CDCA5: variants seen among roughly 807,000 people sequenced by gnomAD.
CDCA5 encodes the protein sororin.
In CDCA5, 14 loss-of-function variants were observed where a neutral mutation model predicts 25.7. The observed-to-expected ratio is 0.54, with a 90% CI of 0.36 to 0.85. The LOEUF (loss-of-function observed/expected upper bound fraction) is 0.85. Among genes scored for constraint, CDCA5 ranks in the 40% least tolerant of loss-of-function variants. The pLI, the probability that CDCA5 is intolerant of heterozygous loss-of-function variation, is 0.01. For synonymous variants in CDCA5, 127 were observed against 128.7 expected (o/e 0.99, Z 0.09); for missense variants, 307 against 324.5 (o/e 0.95, Z 0.41).
intron 4 of CDCA5, among the ~76,000 whole-genome samples, chr11:65,080,463 G>A (rs546470764): frequency 1.3e-5 from 2 of 152,258 alleles, no homozygotes; most frequent in East Asian, 3.9e-4. Context: ...GCCCAGGCTG[G>A]AGTGCAGTGG....
chr11:65,080,187 G>A (rs1404730452), intron 4 of CDCA5, among the ~76,000 whole-genome samples: 1 of 152,148 alleles, frequency 6.6e-6, no homozygotes, highest in East Asian at 1.9e-4. Flanking sequence ...ACCATGCCCG[G>A]CCAACACACA....
downstream of CDCA5, among the ~76,000 whole-genome samples, chr11:65,076,891 T>G (rs116560330): frequency 4.2e-3 from 636 of 152,268 alleles, 1 homozygote; most frequent in African/African-American, 0.014. Context: ...CCCAGGCATC[T>G]CCCGTGGGCA....
Position 65,083,657 on chromosome 11 carries a change from G to A in CDCA5, c.113C>T (p.Pro38Leu), listed in dbSNP as rs752782722. Reference protein sequence around the residue: ...RSQRKSGSELPSILPEIWPKT... With the variant: ...RSQRKSGSELLSILPEIWPKT... ...CGGCCAGATTTCAGGGAGGATGCTCGGGAGTTCAGAGCCTGATTTCCGCTG... is the reference window on the plus strand; with the variant it reads ...CGGCCAGATTTCAGGGAGGATGCTCAGGAGTTCAGAGCCTGATTTCCGCTG... Residue 38 changes from proline to leucine, a missense_variant, in exon 2 of 6, where the codon CCG becomes CTG. By Grantham distance (98) the Pro-to-Leu change is moderately conservative. Transcript: ENST00000275517. The A allele has an allele frequency of 1.2e-5, 20 of 1,614,096 alleles. No individual in the cohort carries two copies. Among genetic ancestry groups the A allele is most frequent in the South Asian group, 5.5e-5 (5 of 91,088 alleles).
intron 1 of CDCA5, among the ~76,000 whole-genome samples, chr11:65,070,001 T>G (rs1947309813): frequency 6.6e-6 from 1 of 152,286 alleles, no homozygotes; most frequent in South Asian, 2.1e-4. Context: ...GAGGGAGCCA[T>G]GCATTCTGCT....
chr11:65,079,246 C>T (rs111891963), intron 5 of CDCA5, 59 bp from the exon 6 acceptor site: 58,231 of 1,583,934 alleles, frequency 0.037, 1,342 homozygotes, highest in East Asian at 0.057. Flanking sequence ...GCTGGAGCAT[C>T]TCACCCACAC....
chr11:65,082,742 G>A (rs1223660506), intron 4 of CDCA5, among the ~76,000 whole-genome samples: 3 of 152,022 alleles, frequency 2.0e-5, no homozygotes, highest in African/African-American at 4.8e-5. Flanking sequence ...GATCACAAGC[G>A]TGAGCCACTG....
Position 65,083,629 on chromosome 11 carries a change from C to T in CDCA5, c.141G>A (p.Lys47=), listed in dbSNP as rs766804497. 8 of 1,614,068 alleles carry T rather than the reference C, an allele frequency of 5.0e-6. No individual in the cohort carries two copies. The African/African-American group carries it at 8.0e-5, about 16-fold the overall frequency. The part of the protein sequence containing the change: ...LPSILPEIWP[K]TPSAAAVRKP... ...AGGAAGTGAGAAATCTGGGGCTCAC[C>T]TTCGGCCAGATTTCAGGGAGGATGC... is the stretch of plus-strand genomic sequence containing the variant. The change falls in exon 2 of 6, where the codon AAG becomes AAA. Residue 47 remains lysine (K), a splice_region_variant and synonymous_variant. Coordinates refer to ENST00000275517, the MANE Select transcript of CDCA5 (RefSeq NM_080668.4).
chr11:65,083,879 G>A, intron 1 of CDCA5, 54 bp downstream of exon 1: 1 of 1,606,950 alleles, frequency 6.2e-7, no homozygotes. Flanking sequence ...TCTTTCACCG[G>A]ACTGCGTCCC....
downstream of CDCA5, among the ~76,000 whole-genome samples, chr11:65,063,776 T>C (rs967524934): frequency 6.6e-6 from 1 of 152,210 alleles, no homozygotes; most frequent in African/African-American, 2.4e-5. Context: ...GTGACTCACA[T>C]GGTAGCCTCC....
chr11:65,067,989 GCA>G, intron 3 of CDCA5: 4 of 1,170,016 alleles, frequency 3.4e-6, no homozygotes, highest in Non-Finnish European at 4.5e-6. Flanking sequence ...GCCTGCATGG[GCA>G]CTCTCTCTCT....
intron 2 of CDCA5, chr11:65,068,470 C>T (rs1947282525): frequency 7.9e-7 from 1 of 1,259,302 alleles, no homozygotes; most frequent in Non-Finnish European, 1.0e-6. Flanking sequence ...CTTAGGAGGC[C>T]CTGGGGTTTC....
rs1947489342 is a variant in CDCA5, at chr11:65,078,431, G to C, written c.*676C>G. The C allele has an allele frequency of 1.0e-6, 1 of 985,532 alleles. No homozygotes were observed. The highest frequency in any genetic ancestry group is 1.2e-6 in the Non-Finnish European group (1 of 830,010). 61.0% of individuals were successfully genotyped at this position (985,532 alleles called of 1,614,324 possible). A position where few individuals can be genotyped will look rare whatever the true frequency, so the allele number is the denominator to read the frequency against. ...GCATTTACCAAACATCTCAACAGCA[G>C]ACCAGAACTAGAAAACACAGCTTCT... is the stretch of plus-strand genomic sequence containing the variant. On this transcript the variant is annotated 3_prime_UTR_variant, in exon 6 of 6. Coordinates refer to ENST00000275517, the MANE Select transcript of CDCA5 (RefSeq NM_080668.4).
chr11:65,066,978 T>C (rs781398862), intron 4 of CDCA5: 4 of 794,294 alleles, frequency 5.0e-6, no homozygotes, highest in African/African-American at 3.6e-5. Context: ...CCTGGTCCTA[T>C]AGCCACCTGG....
At position 65,084,005 on chromosome 11, in the gene CDCA5, C is replaced by T. The variant is rs1444027180; in HGVS notation, c.-27G>A. The T allele has an allele frequency of 2.5e-6, 4 of 1,598,658 alleles. No homozygotes were observed. The highest frequency in any genetic ancestry group is 1.7e-5 in the Admixed American group (1 of 57,558). On this transcript the variant is annotated 5_prime_UTR_variant, in exon 1 of 6. Coordinates refer to ENST00000275517, the MANE Select transcript of CDCA5 (RefSeq NM_080668.4). ...ACTTAGGCTCCGTCTCGAGCTCCTC[C>T]AGCGCCGCCGCCCCGGGCGCGCGCC...
exon 2 of CDCA5, chr11:65,068,551 C>A: frequency 7.8e-7 from 1 of 1,289,458 alleles, no homozygotes; most frequent in Non-Finnish European, 1.0e-6. Context: ...CAGGCTGCAC[C>A]ACTGGCTTGT....
At chr11:65,071,177 C>T (rs1476121077) in intron 1 of CDCA5, among the ~76,000 whole-genome samples, 1 of 151,568 alleles carries the variant, frequency 6.6e-6, no homozygotes, top group South Asian at 2.1e-4. Context: ...CTCCTGACCT[C>T]ATGATCTGCC....
Position 65,078,877 on chromosome 11 carries a change from C to A in CDCA5, c.*230G>T. On this transcript the variant is annotated 3_prime_UTR_variant, in exon 6 of 6. Transcript: ENST00000275517. ...TGGGGAGATAGGAAGGACAGGACGA[C>A]AAGAGACAGGACACCAGTGAGTGGC... 8.1e-7 allele frequency: 1 copy of A among 1,237,998 alleles called. No individual in the cohort carries two copies. The highest frequency in any genetic ancestry group is 1.0e-6 in the Non-Finnish European group (1 of 990,860). 76.7% of individuals were successfully genotyped at this position (1,237,998 alleles called of 1,614,324 possible). A position where few individuals can be genotyped will look rare whatever the true frequency, so the allele number is the denominator to read the frequency against.
At chr11:65,069,798 A>G (rs1315491957) in intron 1 of CDCA5, among the ~76,000 whole-genome samples, 1 of 152,272 alleles carries the variant, frequency 6.6e-6, no homozygotes, top group Non-Finnish European at 1.5e-5. Flanking sequence ...ATGGTAGGAT[A>G]CAATTCACTC....
At position 65,077,907 on chromosome 11, in the gene CDCA5, A is replaced by G. The variant is rs1030548530; in HGVS notation, c.*1200T>C. The G allele has an allele frequency of 7.1e-6, 7 of 985,436 alleles. No homozygotes were observed. In the African/African-American group the frequency reaches 1.2e-4, roughly 17 times the overall value. 61.0% of individuals were successfully genotyped at this position (985,436 alleles called of 1,614,324 possible). A position where few individuals can be genotyped will look rare whatever the true frequency, so the allele number is the denominator to read the frequency against. ...ACTTCCACGAACTTCTAAACATCAAAAGGTACAATGGCCAGGGGTGCGGCA... is the reference window on the plus strand; with the variant it reads ...ACTTCCACGAACTTCTAAACATCAAGAGGTACAATGGCCAGGGGTGCGGCA... On this transcript the variant is annotated 3_prime_UTR_variant, in exon 6 of 6. Coordinates refer to ENST00000275517, the MANE Select transcript of CDCA5 (RefSeq NM_080668.4).
Sources: allele counts gnomAD v4.1 joint callset (sites outside exome capture counted in the v4.1 genomes callset), GRCh38; gene constraint gnomAD v4.1.1; transcripts MANE v1.5; gene names NCBI Gene and HGNC (gene_info 2026-07-23, HGNC 2026-07-21).